Variants in PLD1 observed in about 807,000 individuals in gnomAD.
The protein encoded by PLD1 is choline phosphatase 1.
A neutral mutation model predicts 137.1 loss-of-function variants in PLD1; 112 were observed. That is an observed-to-expected ratio of 0.82 (90% confidence interval 0.70 to 0.96). The LOEUF (loss-of-function observed/expected upper bound fraction) is 0.96, where lower values mean the gene tolerates loss of function less well. Among genes scored for constraint, PLD1 ranks in the 40% least tolerant of loss-of-function variants. The pLI, the probability that PLD1 is intolerant of heterozygous loss-of-function variation, is 0.00. For missense variants in PLD1, 1,321 were observed against 1,342.0 expected (o/e 0.98, Z 0.24); for synonymous variants, 431 against 454.7 (o/e 0.95, Z 0.66).
intron 6 of PLD1, 119 bp downstream of exon 6, chr3:171,733,325 T>C: frequency 1.8e-6 from 1 of 551,944 alleles, no homozygotes; most frequent in Non-Finnish European, 3.2e-6. Context: ...TTTATTTTAA[T>C]GCAAGGACGA....
At chr3:171,806,480 C>T (rs1390939389) in intron 1 of PLD1, among the ~76,000 whole-genome samples, 1 of 152,204 alleles carries the variant, frequency 6.6e-6, no homozygotes, top group East Asian at 1.9e-4. Context: ...CATTTTAACC[C>T]TGCAACAACT....
At chr3:171,608,948 AC>A (rs1339373159) in intron 25 of PLD1, among the ~76,000 whole-genome samples, 1 of 152,196 alleles carries the variant, frequency 6.6e-6, no homozygotes, top group African/African-American at 2.4e-5. Flanking sequence ...TCCAAAGATG[AC>A]TAAAAGCCAA....
At position 171,602,992 on chromosome 3, in the gene PLD1, T is replaced by C. The variant is rs1731932210; in HGVS notation, c.*86A>G. 1.0e-6 allele frequency: 1 copy of C among 968,194 alleles called. No homozygotes were observed. The highest frequency in any genetic ancestry group is 1.6e-6 in the Non-Finnish European group (1 of 616,722). 60.0% of individuals were successfully genotyped at this position (968,194 alleles called of 1,614,324 possible). ...GTTGGATACGAGAATGCGTCAGGCC[T>C]GGCTTTGGCTATGACATCCCCAGGA... On this transcript the variant is annotated 3_prime_UTR_variant, in exon 27 of 27. Coordinates refer to ENST00000351298, the MANE Select transcript of PLD1 (RefSeq NM_002662.5).
At chr3:171,683,790 C>T (rs539917263) in intron 16 of PLD1, among the ~76,000 whole-genome samples, 15 of 152,216 alleles carry the variant, frequency 9.9e-5, no homozygotes, top group Non-Finnish European at 1.9e-4. Flanking sequence ...TTCACCACAT[C>T]TCTAGCACCC....
chr3:171,645,760 T>C (rs1469409034), intron 21 of PLD1, among the ~76,000 whole-genome samples: 2 of 151,882 alleles, frequency 1.3e-5, no homozygotes, highest in East Asian at 3.9e-4. Context: ...GGCGGGCGCC[T>C]GTAGTCCCAG....
intron 9 of PLD1, among the ~76,000 whole-genome samples, chr3:171,711,559 A>G (rs1379993623): frequency 6.6e-6 from 1 of 152,124 alleles, no homozygotes; most frequent in Non-Finnish European, 1.5e-5. Context: ...ATCGATTCCT[A>G]TTAACAAATG....
intron 1 of PLD1, among the ~76,000 whole-genome samples, chr3:171,742,688 T>C (rs1230527893): frequency 6.6e-6 from 1 of 152,178 alleles, no homozygotes; most frequent in East Asian, 1.9e-4. Context: ...CCATAATATA[T>C]AACCTATGAA....
chr3:171,756,666 A>G (rs776196394), intron 1 of PLD1, among the ~76,000 whole-genome samples: 8 of 152,224 alleles, frequency 5.3e-5, no homozygotes, highest in South Asian at 2.1e-4. Flanking sequence ...GTGAATAAAA[A>G]CATACGATGT....
At chr3:171,666,389 G>A (rs1712149707) in intron 19 of PLD1, 1 of 152,220 alleles carries the variant, frequency 6.6e-6, no homozygotes, top group African/African-American at 2.4e-5. Flanking sequence ...CAGATCTCAT[G>A]AGACTTATTC....
chr3:171,697,369 C>T (rs1016538225), intron 12 of PLD1, among the ~76,000 whole-genome samples: 15 of 151,674 alleles, frequency 9.9e-5, no homozygotes, highest in Non-Finnish European at 2.1e-4. Context: ...CTCAGCCTCC[C>T]GGGTAGCTGG....
chr3:171,652,412 C>CAA (rs1200348368), intron 21 of PLD1, among the ~76,000 whole-genome samples: 6 of 58,776 alleles, frequency 1.0e-4, no homozygotes, highest in Non-Finnish European at 1.2e-4. Context: ...GACTCCTTCT[C>CAA]AAAAAAAAAA....
At position 171,808,239 on chromosome 3, in the gene PLD1, T is replaced by TA. The variant is rs879648516; in HGVS notation, c.-32+2159dup. 3.2e-3 allele frequency among the ~76,000 whole-genome samples: 473 copies of TA among 145,692 alleles called. 2 individuals carry two copies. The highest frequency in any genetic ancestry group is 8.2e-3 in the African/African-American group (328 of 39,960). ...TATCTAAAATAAAATTTCAAATTAT[T>TA]AAAAAAAAAAAATAGGGTCGGGTGC... On this transcript the variant is annotated intron_variant, in intron 1 of 26. Coordinates refer to ENST00000351298, the MANE Select transcript of PLD1 (RefSeq NM_002662.5).
chr3:171,715,736 T>C (rs1365276006), intron 8 of PLD1, among the ~76,000 whole-genome samples: 2 of 152,166 alleles, frequency 1.3e-5, no homozygotes, highest in East Asian at 1.9e-4. Flanking sequence ...TTTCTTCCCT[T>C]TTTCTTTTTT....
intron 6 of PLD1, among the ~76,000 whole-genome samples, chr3:171,732,386 C>T (rs184165283): frequency 2.6e-5 from 4 of 152,204 alleles, no homozygotes; most frequent in Admixed American, 2.6e-4. Context: ...CATTGAATGC[C>T]CCAGTGCAAG....
chr3:171,623,750 A>G (rs1027455870), intron 23 of PLD1, among the ~76,000 whole-genome samples: 13 of 152,202 alleles, frequency 8.5e-5, no homozygotes, highest in Admixed American at 7.2e-4. Flanking sequence ...ATACATAAGG[A>G]AAATTTGTAT....
At chr3:171,650,242 A>G (rs1161893992) in intron 21 of PLD1, among the ~76,000 whole-genome samples, 1 of 152,268 alleles carries the variant, frequency 6.6e-6, no homozygotes, top group South Asian at 2.1e-4. Flanking sequence ...GAGTTCGGGG[A>G]AAAACAGGAT....
In PLD1 at chr3:171,605,329, T is replaced by G. The variant is rs770519928; in HGVS notation, c.2970A>C (p.Thr990=). The G allele has an allele frequency of 2.5e-6, 4 of 1,611,646 alleles. No homozygotes were observed. The South Asian group carries it at 4.4e-5, about 18-fold the overall frequency. The change falls in exon 26 of 27, where the codon ACA becomes ACC. Residue 990 remains threonine (T), a synonymous_variant. Transcript: ENST00000351298. The part of the protein sequence containing the change: ...DKFFKEVWVS[T]AARNATIYDK... The stretch of plus-strand genomic sequence containing the variant: ...CATAAATTGTAGCATTTCGAGCTGC[T>G]GTTGAAACCCACACCTCCTTGAAGA...
At chr3:171,649,046 T>A (rs995700593) in intron 21 of PLD1, among the ~76,000 whole-genome samples, 8 of 152,192 alleles carry the variant, frequency 5.3e-5, no homozygotes, top group African/African-American at 1.9e-4. Flanking sequence ...ATCTTACAAG[T>A]GGTATTGCTG....
At chr3:171,722,463 T>C (rs1578355038) in intron 8 of PLD1, among the ~76,000 whole-genome samples, 1 of 152,216 alleles carries the variant, frequency 6.6e-6, no homozygotes, top group East Asian at 1.9e-4. Context: ...CATACCAGTA[T>C]CAAATTAGTA....
Sources: allele counts gnomAD v4.1 joint callset (sites outside exome capture counted in the v4.1 genomes callset), GRCh38; gene constraint gnomAD v4.1.1; transcripts MANE v1.5; gene names NCBI Gene and HGNC (gene_info 2026-07-23, HGNC 2026-07-21).